The following CWH43 variants were observed in gnomAD, a reference collection of about 807,000 sequenced individuals.
CWH43 encodes the protein PGAP2-interacting protein.
Under a neutral mutation model 85.7 loss-of-function variants are expected in CWH43, and 91 were observed. The observed-to-expected ratio is 1.06, with a 90% CI of 0.90 to 1.26. The LOEUF is 1.26. Among genes scored for constraint, CWH43 ranks in the 50% most tolerant of loss-of-function variants. The probability of loss-of-function intolerance (pLI) is 0.00; values close to 1 mark genes in which losing one functional copy is unlikely to be tolerated. For synonymous variants in CWH43, 323 were observed against 293.6 expected (o/e 1.10, Z -1.02); for missense variants, 869 against 839.2 (o/e 1.04, Z -0.44).
intron 14 of CWH43, among the ~76,000 whole-genome samples, chr4:49,048,305 G>GTA (rs202097290): frequency 4.2e-4 from 62 of 149,366 alleles, no homozygotes; most frequent in South Asian, 1.9e-3. Context: ...CTCTGTGTGT[G>GTA]TATATATATA....
At chr4:49,056,817 G>T (rs1374812618) in intron 15 of CWH43, among the ~76,000 whole-genome samples, 6 of 151,976 alleles carry the variant, frequency 3.9e-5, no homozygotes, top group Non-Finnish European at 8.8e-5. Context: ...AACCGTGTTT[G>T]CTACATCCTG....
Position 48,986,331 on chromosome 4 carries a change from C to G in CWH43, c.-99C>G. 1 of 1,199,194 alleles carries G rather than the reference C, an allele frequency of 8.3e-7. No homozygotes were observed. The highest frequency in any genetic ancestry group is 1.2e-6 in the Non-Finnish European group (1 of 859,058). 74.3% of individuals were successfully genotyped at this position (1,199,194 alleles called of 1,614,324 possible). ...CGGGAACGAGGGGCGCGGACGCAGG[C>G]CCGGGAGGACGCGGCGGCGGGAACC... On this transcript the variant is annotated 5_prime_UTR_variant, in exon 1 of 16. Transcript: ENST00000226432.
At chr4:49,039,982 G>A (rs1317192403) in intron 13 of CWH43, among the ~76,000 whole-genome samples, 4 of 152,030 alleles carry the variant, frequency 2.6e-5, no homozygotes, top group Non-Finnish European at 5.9e-5. Flanking sequence ...ACCAATGAGT[G>A]AGAACATGCG....
intron 15 of CWH43, among the ~76,000 whole-genome samples, chr4:49,060,462 G>T (rs1443874080): frequency 6.6e-6 from 1 of 152,060 alleles, no homozygotes; most frequent in Admixed American, 6.5e-5. Context: ...GTTTAGGTGG[G>T]CCTGGAAGCT....
At chr4:48,989,263 C>T (rs1448020052) in intron 2 of CWH43, among the ~76,000 whole-genome samples, 2 of 152,142 alleles carry the variant, frequency 1.3e-5, no homozygotes, top group Non-Finnish European at 2.9e-5. Context: ...ATAAATCATA[C>T]ACATACAGAT....
At chr4:48,998,421 A>C in intron 5 of CWH43, 39 bp from the exon 6 acceptor site, 1 of 1,416,474 alleles carries the variant, frequency 7.1e-7, no homozygotes, top group Non-Finnish European at 1.0e-6. Context: ...ATGAAATATT[A>C]CTAATGTCAC....
At chr4:49,013,891 T>C (rs1455429823) in intron 8 of CWH43, among the ~76,000 whole-genome samples, 1 of 152,298 alleles carries the variant, frequency 6.6e-6, no homozygotes, top group South Asian at 2.1e-4. Flanking sequence ...AGTAAACTCA[T>C]GTAAAATAGA....
At chr4:49,046,061 TTTTA>T (rs934652593) in intron 14 of CWH43, among the ~76,000 whole-genome samples, 25 of 152,112 alleles carry the variant, frequency 1.6e-4, no homozygotes, top group African/African-American at 5.8e-4. Flanking sequence ...TCAACTTCTT[TTTTA>T]TTTGTTTATT....
intron 8 of CWH43, among the ~76,000 whole-genome samples, chr4:49,013,389 C>G (rs1216133902): frequency 6.6e-6 from 1 of 152,212 alleles, no homozygotes; most frequent in East Asian, 1.9e-4. Context: ...TTTCCAGGTA[C>G]AGTCTGTCAT....
chr4:49,024,869 T>C (rs1783859348), intron 9 of CWH43, among the ~76,000 whole-genome samples: 1 of 152,170 alleles, frequency 6.6e-6, no homozygotes, highest in East Asian at 1.9e-4. Context: ...CAAGTGTTTT[T>C]TGAGCTTCTT....
chr4:49,034,229 A>G (rs1157068841), intron 12 of CWH43, among the ~76,000 whole-genome samples: 1 of 152,198 alleles, frequency 6.6e-6, no homozygotes, highest in Admixed American at 6.5e-5. Flanking sequence ...TAGCAAGTAC[A>G]GGCATTCAGA....
intron 6 of CWH43, among the ~76,000 whole-genome samples, chr4:48,999,922 C>A (rs1162466882): frequency 6.6e-6 from 1 of 152,134 alleles, no homozygotes. Context: ...GGGCTGCCCT[C>A]TTCCCTCTCC....
intron 15 of CWH43, among the ~76,000 whole-genome samples, chr4:49,059,754 G>T (rs1243385135): frequency 2.0e-5 from 3 of 152,144 alleles, no homozygotes; most frequent in African/African-American, 7.2e-5. Context: ...CCAGCCTGGT[G>T]CTGGGGTCCA....
At chr4:49,048,776 C>T (rs1439992847) in intron 14 of CWH43, among the ~76,000 whole-genome samples, 1 of 152,070 alleles carries the variant, frequency 6.6e-6, no homozygotes, top group Non-Finnish European at 1.5e-5. Flanking sequence ...AATATGGCCA[C>T]ACTGGGGGTT....
rs1782651636 is a variant in CWH43 at position 48,991,482 on chromosome 4, T to A, written c.264T>A (p.Asn88Lys). 1.2e-6 allele frequency: 2 copies of A among 1,614,050 alleles called. No homozygotes were observed. Among genetic ancestry groups the A allele is most frequent in the South Asian group, 2.2e-5 (2 of 91,062 alleles). ...GCATAGCCTCCTTCCAGGCTCCAAA[T>A]GCCAAACTTCGACTGATGGTTCTTG... ...IGSIASFQAP[N>K]AKLRLMVLAL... is the part of the protein sequence containing the mutation. The change falls in exon 3 of 16, where the codon AAT (asparagine) becomes AAA (lysine). Residue 88 changes from asparagine (N) to lysine (K), a missense_variant. By Grantham distance (94) the Asn-to-Lys change is moderately conservative. This residue lies in a region of CWH43 where 140 missense variants were observed against 122.6 expected (regional missense o/e 1.14). Coordinates refer to ENST00000226432, the MANE Select transcript of CWH43 (RefSeq NM_025087.3).
At position 48,995,173 on chromosome 4, in the gene CWH43, T is replaced by G. The variant is rs192848114; in HGVS notation, c.713+353T>G. 3.3e-3 allele frequency among the ~76,000 whole-genome samples: 500 copies of G among 152,264 alleles called. 3 individuals carry two copies. The highest frequency in any genetic ancestry group is 5.9e-3 in the Non-Finnish European group (404 of 68,010). On this transcript the variant is annotated intron_variant, in intron 5 of 15. Transcript: ENST00000226432. ...TTCCCTGGCCATTTCCTCCAGACCC[T>G]CTGGTTATGGTTATGGGCATTTAGT...
chr4:49,020,040 A>G (rs1030031858), intron 9 of CWH43, among the ~76,000 whole-genome samples: 2 of 151,990 alleles, frequency 1.3e-5, no homozygotes, highest in African/African-American at 4.8e-5. Flanking sequence ...TTTTTGGGGA[A>G]TGGGTGCTGT....
chr4:49,019,176 T>C (rs1415280557), intron 9 of CWH43, among the ~76,000 whole-genome samples: 2 of 152,134 alleles, frequency 1.3e-5, no homozygotes, highest in African/African-American at 4.8e-5. Context: ...TAGGGGAGAA[T>C]TATAGTATTT....
At chr4:49,035,696 C>T (rs1308477432) in intron 12 of CWH43, among the ~76,000 whole-genome samples, 2 of 152,284 alleles carry the variant, frequency 1.3e-5, no homozygotes, top group East Asian at 1.9e-4. Context: ...CTGTCTTGAC[C>T]TCTTTCCTTA....
Sources: allele counts gnomAD v4.1 joint callset (sites outside exome capture counted in the v4.1 genomes callset), GRCh38; gene constraint gnomAD v4.1.1; regional missense constraint gnomAD v4.1.1; transcripts MANE v1.5; gene names NCBI Gene and HGNC (gene_info 2026-07-23, HGNC 2026-07-21).